Variants in MEI4 observed in about 807,000 individuals in gnomAD.
MEI4 encodes the protein meiotic double-stranded break formation protein 4, also known as meiosis-specific protein MEI4.
MEI4 carries 27 observed loss-of-function variants against 31.4 expected under a neutral mutation model. The observed-to-expected ratio is 0.86, with a 90% CI of 0.63 to 1.19. The LOEUF is 1.19. Among genes scored for constraint, MEI4 ranks in the 50% most tolerant of loss-of-function variants. The pLI is 0.00. For synonymous variants in MEI4, 122 were observed against 145.4 expected (o/e 0.84, Z 1.16); for missense variants, 329 against 398.9 (o/e 0.82, Z 1.49).
chr6:77,754,952 A>T (rs1326654594), intron 2 of MEI4, among the ~76,000 whole-genome samples: 1 of 152,198 alleles, frequency 6.6e-6, no homozygotes, highest in African/African-American at 2.4e-5. Flanking sequence ...GATGAGATTT[A>T]AATGGGGACA....
intron 3 of MEI4, among the ~76,000 whole-genome samples, chr6:77,766,001 A>AG (rs1226890449): frequency 1.3e-5 from 2 of 151,866 alleles, no homozygotes; most frequent in African/African-American, 4.9e-5. Context: ...GGACACAGGA[A>AG]GGGGACCATC....
At chr6:77,867,725 C>A (rs1174379445) in intron 4 of MEI4, among the ~76,000 whole-genome samples, 1 of 146,352 alleles carries the variant, frequency 6.8e-6, no homozygotes, top group Non-Finnish European at 1.6e-5. Context: ...GGGTATATAC[C>A]CAAAGGATTA....
chr6:77,654,680 A>G (rs765428936), intron 1 of MEI4, among the ~76,000 whole-genome samples: 8 of 151,478 alleles, frequency 5.3e-5, no homozygotes, highest in Admixed American at 1.3e-4. Context: ...TTTCGTTGAT[A>G]ATCAAATTGA....
chr6:77,739,809 CT>C (rs1393284460), intron 2 of MEI4, among the ~76,000 whole-genome samples: 3 of 151,424 alleles, frequency 2.0e-5, no homozygotes, highest in South Asian at 2.1e-4. Flanking sequence ...TTTAGTTCAG[CT>C]TTGATTTTGA....
At chr6:77,747,781 ACAGTCCAAAGTCTCAT>A (rs1313193530) in intron 2 of MEI4, among the ~76,000 whole-genome samples, 5 of 152,170 alleles carry the variant, frequency 3.3e-5, no homozygotes, top group African/African-American at 1.2e-4. Context: ...TAAAAAATTC[ACAGTCCAAAGTCTCAT>A]CTGAGACAAG....
chr6:77,734,237 T>C lies in MEI4; in HGVS notation c.233-26893T>C, dbSNP rs1052202722. On this transcript the variant is annotated intron_variant, in intron 2 of 4. Transcript: ENST00000684080. ...ATGTTGACAGTGCGGTGTTAACATC[T>C]CCCATTATTAATGTGTGGGAGTCTA... is the stretch of plus-strand genomic sequence containing the variant. 2.6e-5 allele frequency among the ~76,000 whole-genome samples: 4 copies of C among 152,194 alleles called. No individual in the cohort carries two copies. In the East Asian group the frequency reaches 5.8e-4, roughly 22 times the overall value.
intron 3 of MEI4, among the ~76,000 whole-genome samples, chr6:77,792,840 G>C (rs1485596131): frequency 1.3e-5 from 2 of 151,806 alleles, no homozygotes; most frequent in Admixed American, 1.3e-4. Flanking sequence ...AGCCTCCCGA[G>C]TAGCTGGGAC....
At chr6:77,671,022 G>T (rs1768728350) in intron 1 of MEI4, among the ~76,000 whole-genome samples, 1 of 148,516 alleles carries the variant, frequency 6.7e-6, no homozygotes, top group African/African-American at 2.5e-5. Flanking sequence ...TTTAGCAGTA[G>T]AAAGGTACAG....
intron 3 of MEI4, among the ~76,000 whole-genome samples, chr6:77,825,398 C>T (rs1769920693): frequency 6.6e-6 from 1 of 152,098 alleles, no homozygotes; most frequent in Non-Finnish European, 1.5e-5. Flanking sequence ...TTAGGGAGGG[C>T]CCCAGAGCTT....
intron 2 of MEI4, among the ~76,000 whole-genome samples, chr6:77,736,280 C>T (rs1347051833): frequency 1.3e-5 from 2 of 152,030 alleles, no homozygotes; most frequent in Admixed American, 6.5e-5. Context: ...TGCTAGCAAT[C>T]AGCAAGACTC....
intron 3 of MEI4, among the ~76,000 whole-genome samples, chr6:77,823,045 T>C (rs964773577): frequency 6.6e-6 from 1 of 152,202 alleles, no homozygotes; most frequent in Non-Finnish European, 1.5e-5. Context: ...AATGAATGAA[T>C]ACATAACTAA....
chr6:77,781,420 T>G (rs543656899), intron 3 of MEI4, among the ~76,000 whole-genome samples: 1 of 152,252 alleles, frequency 6.6e-6, no homozygotes, highest in East Asian at 1.9e-4. Flanking sequence ...ATTAAAAACT[T>G]GCTGCTCAAA....
intron 2 of MEI4, among the ~76,000 whole-genome samples, chr6:77,702,090 C>T (rs1766238973): frequency 6.6e-6 from 1 of 152,170 alleles, no homozygotes; most frequent in East Asian, 1.9e-4. Flanking sequence ...TTTAGCTAGA[C>T]TAGTGGTGAC....
chr6:77,683,297 T>G (rs2127649886), intron 1 of MEI4, among the ~76,000 whole-genome samples: 1 of 152,272 alleles, frequency 6.6e-6, no homozygotes, highest in Admixed American at 6.5e-5. Flanking sequence ...CAAATAAAAA[T>G]TTTATAAATT....
intron 3 of MEI4, among the ~76,000 whole-genome samples, chr6:77,778,249 ATTT>A: frequency 6.6e-6 from 1 of 152,174 alleles, no homozygotes; most frequent in African/African-American, 2.4e-5. Flanking sequence ...GAAAATCAGT[ATTT>A]TTTATGTTAT....
intron 3 of MEI4, among the ~76,000 whole-genome samples, chr6:77,763,894 A>G (rs1394745307): frequency 6.7e-6 from 1 of 150,188 alleles, no homozygotes; most frequent in Non-Finnish European, 1.5e-5. Context: ...GCTCACTGCA[A>G]CCTCCACTTC....
intron 2 of MEI4, among the ~76,000 whole-genome samples, chr6:77,754,090 T>C (rs940571242): frequency 1.3e-5 from 2 of 151,260 alleles, no homozygotes; most frequent in Admixed American, 6.6e-5. Context: ...TCACACACCA[T>C]GTCCTGTAGG....
At chr6:77,680,113 T>TAAAAAAAAAAAAAAA (rs1562203260) in intron 1 of MEI4, among the ~76,000 whole-genome samples, 1 of 10,364 alleles carries the variant, frequency 9.6e-5, no homozygotes, top group Non-Finnish European at 1.7e-4. Flanking sequence ...CTACTAAAAA[T>TAAAAAAAAAAAAAAA]ACAAAAAAAA....
At chr6:77,699,778 T>C (rs1431474705) in intron 2 of MEI4, among the ~76,000 whole-genome samples, 1 of 152,154 alleles carries the variant, frequency 6.6e-6, no homozygotes, top group Non-Finnish European at 1.5e-5. Context: ...CGTTTCTGTC[T>C]GTTAGTTTTC....
Sources: gnomAD v4.1 joint callset for allele counts (sites outside exome capture counted in the v4.1 genomes callset) on GRCh38, gnomAD v4.1.1 for gene constraint, MANE v1.5 for transcripts, NCBI Gene and HGNC (gene_info 2026-07-23, HGNC 2026-07-21) for gene names.